Variants in NLGN1 observed in about 807,000 individuals in gnomAD.
NLGN1 encodes the protein neuroligin 1, also known as neuroligin-1.
Under a neutral mutation model 65.5 loss-of-function variants are expected in NLGN1, and 12 were observed. The ratio of observed to expected loss-of-function variants is 0.18; its 90% confidence interval spans 0.12 to 0.30. The LOEUF is 0.30. Ranked by LOEUF, NLGN1 falls within the 10% of genes least tolerant of loss-of-function variation. The pLI is 1.00. For missense variants in NLGN1, 750 were observed against 1,007.1 expected (o/e 0.74, Z 3.46); for synonymous variants, 350 against 359.5 (o/e 0.97, Z 0.30).
chr3:173,784,645 C>A (rs1345067881), intron 3 of NLGN1, among the ~76,000 whole-genome samples: 1 of 152,010 alleles, frequency 6.6e-6, no homozygotes, highest in Non-Finnish European at 1.5e-5. Context: ...GAGAAAGACA[C>A]CTTCAGAAAC....
intron 4 of NLGN1, among the ~76,000 whole-genome samples, chr3:174,016,441 A>G (rs1482456866): frequency 6.6e-6 from 1 of 152,194 alleles, no homozygotes. Context: ...CATCTCGGAA[A>G]GAGCTGCTTT....
At chr3:174,065,152 T>C (rs554770771) in intron 4 of NLGN1, among the ~76,000 whole-genome samples, 1 of 152,124 alleles carries the variant, frequency 6.6e-6, no homozygotes, top group East Asian at 1.9e-4. Flanking sequence ...ATGTTATGGG[T>C]TTTTCCATAT....
At chr3:173,495,680 GAAA>G (rs5854510) in intron 2 of NLGN1, among the ~76,000 whole-genome samples, 1 of 130,334 alleles carries the variant, frequency 7.7e-6, no homozygotes, top group Non-Finnish European at 1.6e-5. Context: ...AGTCTTTTTT[GAAA>G]AAAAAAAAAA....
At chr3:174,181,431 GC>G in intron 4 of NLGN1, among the ~76,000 whole-genome samples, 1 of 152,200 alleles carries the variant, frequency 6.6e-6, no homozygotes, top group African/African-American at 2.4e-5. Context: ...GGGGCACAGA[GC>G]CCATCGCTGT....
At chr3:173,730,881 C>T (rs1254749899) in intron 3 of NLGN1, among the ~76,000 whole-genome samples, 1 of 152,028 alleles carries the variant, frequency 6.6e-6, no homozygotes, top group African/African-American at 2.4e-5. Context: ...CTGATATATT[C>T]TCTTTGAAAA....
chr3:173,428,186 A>G (rs912858589), intron 1 of NLGN1, among the ~76,000 whole-genome samples: 3 of 151,242 alleles, frequency 2.0e-5, no homozygotes, highest in African/African-American at 4.9e-5. Flanking sequence ...CTTTTAGTCT[A>G]TGTTTATCTT....
chr3:173,423,628 C>G (rs1715538554), intron 1 of NLGN1, among the ~76,000 whole-genome samples: 1 of 152,176 alleles, frequency 6.6e-6, no homozygotes, highest in South Asian at 2.1e-4. Flanking sequence ...TCTTTTGGCT[C>G]CATGTCTCAC....
intron 1 of NLGN1, among the ~76,000 whole-genome samples, chr3:173,425,644 G>A (rs1715954485): frequency 6.6e-6 from 1 of 152,052 alleles, no homozygotes; most frequent in African/African-American, 2.4e-5. Context: ...TGAGTTGGCT[G>A]TAAATGCATA....
chr3:173,702,389 G>C (rs1198602348), intron 3 of NLGN1, among the ~76,000 whole-genome samples: 2 of 143,186 alleles, frequency 1.4e-5, no homozygotes, highest in Admixed American at 1.4e-4. Context: ...GATCTGTAGT[G>C]AATCAATGAG....
intron 4 of NLGN1, among the ~76,000 whole-genome samples, chr3:174,146,692 C>G (rs111386323): frequency 6.1e-4 from 92 of 151,546 alleles, no homozygotes; most frequent in African/African-American, 2.2e-3. Context: ...CTCAGCCTCC[C>G]GAGTAGCTGG....
At chr3:173,604,941 C>T (rs751446277) in exon 3 of NLGN1, 2 of 1,613,596 alleles carry the variant, frequency 1.2e-6, no homozygotes, top group Non-Finnish European at 1.7e-6. Flanking sequence ...TCAATTTGCT[C>T]CTGTGTGTCC....
intron 4 of NLGN1, among the ~76,000 whole-genome samples, chr3:174,067,170 G>A (rs923884163): frequency 1.3e-5 from 2 of 152,046 alleles, no homozygotes. Context: ...AAATTGTCAG[G>A]TTTGGCAAAT....
At chr3:173,795,068 A>C (rs929538971) in intron 3 of NLGN1, among the ~76,000 whole-genome samples, 4 of 152,108 alleles carry the variant, frequency 2.6e-5, no homozygotes, top group Non-Finnish European at 5.9e-5. Flanking sequence ...ACAAAACTAA[A>C]CATAGGGTAT....
intron 4 of NLGN1, among the ~76,000 whole-genome samples, chr3:174,253,377 T>C (rs1301356757): frequency 6.6e-6 from 1 of 152,202 alleles, no homozygotes; most frequent in Non-Finnish European, 1.5e-5. Context: ...CGGGTTTGAT[T>C]GTGCTACTGT....
At chr3:174,122,794 AT>A (rs879460394) in intron 4 of NLGN1, among the ~76,000 whole-genome samples, 191 of 150,404 alleles carry the variant, frequency 1.3e-3, no homozygotes, top group East Asian at 4.7e-3. Context: ...GAGAAGATGA[AT>A]TTTTTTTTTC....
At chr3:174,258,148 T>C (rs1746159985) in intron 4 of NLGN1, among the ~76,000 whole-genome samples, 1 of 152,004 alleles carries the variant, frequency 6.6e-6, no homozygotes, top group Non-Finnish European at 1.5e-5. Flanking sequence ...AAAGAAAAGA[T>C]GTGTTCAAAG....
chr3:173,620,662 T>C (rs1753848716), intron 3 of NLGN1, among the ~76,000 whole-genome samples: 1 of 152,118 alleles, frequency 6.6e-6, no homozygotes, highest in African/African-American at 2.4e-5. Flanking sequence ...TAAAGACATC[T>C]ATATGAATTT....
chr3:173,736,848 T>C (rs1370779964), intron 3 of NLGN1, among the ~76,000 whole-genome samples: 1 of 152,068 alleles, frequency 6.6e-6, no homozygotes, highest in African/African-American at 2.4e-5. Flanking sequence ...TTGATCATTA[T>C]TGATAAATTA....
rs112494059 is a variant in NLGN1, at chr3:174,198,105, C to T, written c.647-77210C>T. On this transcript the variant is annotated intron_variant, in intron 4 of 6. Transcript: ENST00000457714. ...CTCTAAGAACATGATTCCATGAAATCGATAATCATCTATAATATAATCATT... is the reference window on the plus strand; with the variant it reads ...CTCTAAGAACATGATTCCATGAAATTGATAATCATCTATAATATAATCATT... Among the ~76,000 whole-genome samples, 1,008 of 152,016 alleles carry T rather than the reference C, an allele frequency of 6.6e-3. 13 individuals carry two copies. Among genetic ancestry groups the T allele is most frequent in the African/African-American group, 0.023 (947 of 41,464 alleles).
Sources: gnomAD v4.1 joint callset for allele counts (sites outside exome capture counted in the v4.1 genomes callset) on GRCh38, gnomAD v4.1.1 for gene constraint, MANE v1.5 for transcripts, NCBI Gene and HGNC (gene_info 2026-07-23, HGNC 2026-07-21) for gene names.